The following TYW1 variants were observed in gnomAD, a reference collection of about 807,000 sequenced individuals.
The protein encoded by TYW1 is tRNA-yW synthesizing protein 1 homolog.
Under a neutral mutation model 96.2 loss-of-function variants are expected in TYW1, and 46 were observed. The observed-to-expected ratio is 0.48, with a 90% CI of 0.38 to 0.61. TYW1 has a LOEUF of 0.61. Among genes scored for constraint, TYW1 ranks in the 20% least tolerant of loss-of-function variants. TYW1 has a pLI of 0.00. For synonymous variants in TYW1, 274 were observed against 323.0 expected (o/e 0.85, Z 1.63); for missense variants, 684 against 909.6 (o/e 0.75, Z 3.19).
intron 13 of TYW1, among the ~76,000 whole-genome samples, chr7:67,126,866 G>A (rs1164088835): frequency 6.6e-6 from 1 of 152,000 alleles, no homozygotes; most frequent in Non-Finnish European, 1.5e-5. Context: ...ACATTTCAGG[G>A]GATTTGATAT....
At chr7:67,209,576 A>AT (rs1473103730) in intron 15 of TYW1, among the ~76,000 whole-genome samples, 1 of 151,906 alleles carries the variant, frequency 6.6e-6, no homozygotes, top group African/African-American at 2.4e-5. Context: ...ATTTTTTTAA[A>AT]TTTTTTTATT....
chr7:67,014,105 T>C (rs1793922290), intron 4 of TYW1, among the ~76,000 whole-genome samples: 1 of 152,096 alleles, frequency 6.6e-6, no homozygotes, highest in Non-Finnish European at 1.5e-5. Flanking sequence ...ATGATGAGAA[T>C]GTATAGTCTG....
intron 15 of TYW1, among the ~76,000 whole-genome samples, chr7:67,224,220 C>T (rs1344029332): frequency 2.6e-5 from 4 of 152,326 alleles, no homozygotes; most frequent in African/African-American, 4.8e-5. Flanking sequence ...CTCCGCCTCC[C>T]GGGTTCAAGT....
intron 1 of TYW1, among the ~76,000 whole-genome samples, chr7:66,997,544 A>G (rs1212530568): frequency 6.6e-6 from 1 of 152,114 alleles, no homozygotes; most frequent in Admixed American, 6.6e-5. Flanking sequence ...ACAATTTTAT[A>G]TTCTGTTTTT....
intron 6 of TYW1, among the ~76,000 whole-genome samples, chr7:67,020,174 G>A (rs1794197018): frequency 6.6e-6 from 1 of 152,286 alleles, no homozygotes; most frequent in African/African-American, 2.4e-5. Context: ...GAGGCTAGGA[G>A]TTCAAGATCA....
chr7:67,218,670 A>T (rs1801281684), intron 15 of TYW1, among the ~76,000 whole-genome samples: 1 of 151,958 alleles, frequency 6.6e-6, no homozygotes, highest in South Asian at 2.1e-4. Flanking sequence ...TTGTTTATGA[A>T]CCTGTTTTTG....
chr7:67,066,665 ATAGTGAGACCTCATCTCTACAAAAAAT>A (rs1795878179), intron 9 of TYW1, among the ~76,000 whole-genome samples: 1 of 152,196 alleles, frequency 6.6e-6, no homozygotes, highest in Non-Finnish European at 1.5e-5. Context: ...CCTGGGCAAC[ATAGTGAGACCTCATCTCTACAAAAAAT>A]TAAAAAATAA....
At chr7:67,103,985 C>T (rs1211858724) in intron 12 of TYW1, among the ~76,000 whole-genome samples, 1 of 152,082 alleles carries the variant, frequency 6.6e-6, no homozygotes, top group African/African-American at 2.4e-5. Context: ...ATAATGTTCT[C>T]TGGGTGGTTG....
intron 9 of TYW1, among the ~76,000 whole-genome samples, chr7:67,056,529 T>C (rs1476683015): frequency 6.6e-6 from 1 of 151,412 alleles, no homozygotes; most frequent in Non-Finnish European, 1.5e-5. Flanking sequence ...ATGAGTGGAA[T>C]CATGTAATGT....
intron 7 of TYW1, among the ~76,000 whole-genome samples, chr7:67,042,109 G>T (rs899834529): frequency 1.4e-5 from 2 of 145,624 alleles, no homozygotes; most frequent in African/African-American, 2.5e-5. Flanking sequence ...ATTAGAATTA[G>T]AATATAATTT....
At chr7:67,227,636 T>G in intron 15 of TYW1, among the ~76,000 whole-genome samples, 1 of 151,946 alleles carries the variant, frequency 6.6e-6, no homozygotes. Flanking sequence ...GCTCAACCTC[T>G]GGAGGGGCTG....
intron 11 of TYW1, among the ~76,000 whole-genome samples, chr7:67,092,627 C>T (rs539284104): frequency 1.5e-4 from 23 of 149,420 alleles, no homozygotes; most frequent in East Asian, 4.0e-4. Context: ...CACCCCACAT[C>T]TTCATTGCCC....
At chr7:67,238,225 A>G in intron 15 of TYW1, 83 bp from the exon 16 acceptor site, 1 of 1,569,732 alleles carries the variant, frequency 6.4e-7, no homozygotes, top group South Asian at 1.2e-5. Context: ...AAAAGATCAG[A>G]CTTGTTCATG....
intron 13 of TYW1, among the ~76,000 whole-genome samples, chr7:67,149,772 A>ATCTATCTATCTCTCTC (rs757104825): frequency 1.2e-5 from 1 of 82,882 alleles, no homozygotes; most frequent in Admixed American, 1.1e-4. Flanking sequence ...CTATCTATCT[A>ATCTATCTATCTCTCTC]TCTCTCTATG....
At chr7:67,120,539 T>A (rs117713544) in intron 13 of TYW1, among the ~76,000 whole-genome samples, 8 of 152,248 alleles carry the variant, frequency 5.3e-5, no homozygotes, top group African/African-American at 1.9e-4. Flanking sequence ...TTAATACTGA[T>A]GTTATTTAAG....
intron 12 of TYW1, among the ~76,000 whole-genome samples, chr7:67,100,850 C>CAAAAAAAAAA (rs57665696): frequency 1.3e-5 from 1 of 75,612 alleles, no homozygotes; most frequent in African/African-American, 5.4e-5. Flanking sequence ...GGCTACAGAG[C>CAAAAAAAAAA]AAAAAAAAAA....
chr7:67,110,775 C>T (rs543992575), intron 12 of TYW1, among the ~76,000 whole-genome samples: 7 of 152,054 alleles, frequency 4.6e-5, no homozygotes, highest in South Asian at 4.1e-4. Context: ...GAGGCTGGGA[C>T]GGGAGGATTG....
At chr7:67,225,148 A>C (rs1801516395) in intron 15 of TYW1, among the ~76,000 whole-genome samples, 1 of 145,774 alleles carries the variant, frequency 6.9e-6, no homozygotes, top group African/African-American at 2.5e-5. Context: ...CCGAGATTGC[A>C]CCACTGTACT....
chr7:67,038,335 G>C (rs1372873534), intron 7 of TYW1, among the ~76,000 whole-genome samples: 1 of 151,728 alleles, frequency 6.6e-6, no homozygotes, highest in Non-Finnish European at 1.5e-5. Context: ...GCCGGGCTTG[G>C]TGGCTCATTC....
Sources: allele counts gnomAD v4.1 joint callset (sites outside exome capture counted in the v4.1 genomes callset), GRCh38; gene constraint gnomAD v4.1.1; transcripts MANE v1.5; gene names NCBI Gene and HGNC (gene_info 2026-07-23, HGNC 2026-07-21).